GPR176: variants seen among roughly 807,000 people sequenced by gnomAD.
GPR176 encodes G-protein coupled receptor 176.
GPR176 carries 26 observed loss-of-function variants against 35.4 expected under a neutral mutation model. That is an observed-to-expected ratio of 0.74 (90% CI 0.54 to 1.02). The LOEUF (loss-of-function observed/expected upper bound fraction) is 1.02. GPR176 is among the 50% of genes least tolerant of loss of function. GPR176 has a pLI of 0.00. For missense variants in GPR176, 597 were observed against 665.3 expected (o/e 0.90, Z 1.13); for synonymous variants, 278 against 271.3 (o/e 1.02, Z -0.24).
intron 1 of GPR176, among the ~76,000 whole-genome samples, chr15:39,881,482 T>C (rs1322191913): frequency 6.6e-6 from 1 of 152,146 alleles, no homozygotes; most frequent in Non-Finnish European, 1.5e-5. Context: ...TTGAGAGAAA[T>C]TGTTTTATTC....
chr15:39,827,148 T>G (rs1900715627), intron 1 of GPR176, among the ~76,000 whole-genome samples: 2 of 152,156 alleles, frequency 1.3e-5, no homozygotes, highest in African/African-American at 4.8e-5. Context: ...CAAATATACA[T>G]ATTCAACAAG....
At chr15:39,875,316 A>G (rs74008982) in intron 1 of GPR176, among the ~76,000 whole-genome samples, 2,357 of 152,344 alleles carry the variant, frequency 0.015, 78 homozygotes, top group African/African-American at 0.051. Context: ...TTAGATTATC[A>G]TGACAATACA....
At chr15:39,807,311 A>G in intron 1 of GPR176, 53 bp from the exon 2 acceptor site, 1 of 1,156,700 alleles carries the variant, frequency 8.6e-7, no homozygotes, top group South Asian at 2.2e-5. Flanking sequence ...TTAAGAACTA[A>G]AAAAAGGAAA....
intron 1 of GPR176, among the ~76,000 whole-genome samples, chr15:39,848,929 A>C (rs77481065): frequency 2.0e-5 from 3 of 148,170 alleles, no homozygotes; most frequent in African/African-American, 4.9e-5. Flanking sequence ...AAAAAAAAAA[A>C]CCTAAAAAAA....
In GPR176 at chr15:39,800,977, A is replaced by T; in HGVS notation, c.*155T>A. On this transcript the variant is annotated 3_prime_UTR_variant, in exon 3 of 3. Transcript: ENST00000561100. ...ATAAAGAGGACACTGGATTTTATGT[A>T]GATTTCCCTATCATTCAAAAGCATC... The T allele has an allele frequency of 1.5e-6, 1 of 661,272 alleles. No individual in the cohort carries two copies. Among genetic ancestry groups the T allele is most frequent in the Non-Finnish European group, 2.6e-6 (1 of 379,570 alleles). 41.0% of individuals were successfully genotyped at this position (661,272 alleles called of 1,614,324 possible). A position where few individuals can be genotyped will look rare whatever the true frequency, so the allele number is the denominator to read the frequency against.
chr15:39,864,928 T>C (rs1221832744), intron 1 of GPR176, among the ~76,000 whole-genome samples: 2 of 146,260 alleles, frequency 1.4e-5, no homozygotes, highest in African/African-American at 5.1e-5. Flanking sequence ...CCAGCAGGCA[T>C]GTGGAAAAAA....
intron 1 of GPR176, among the ~76,000 whole-genome samples, chr15:39,864,060 G>T (rs558455875): frequency 6.6e-6 from 1 of 152,134 alleles, no homozygotes; most frequent in South Asian, 2.1e-4. Flanking sequence ...AAATAAACAG[G>T]TATACAAAAC....
intron 1 of GPR176, among the ~76,000 whole-genome samples, chr15:39,844,547 G>A (rs549603914): frequency 6.6e-6 from 1 of 151,676 alleles, no homozygotes; most frequent in Non-Finnish European, 1.5e-5. Flanking sequence ...CTGTTCCGAG[G>A]ACCTAATGGG....
intron 1 of GPR176, among the ~76,000 whole-genome samples, chr15:39,837,993 TAAAAAAAA>T (rs5812142): frequency 4.8e-5 from 6 of 124,530 alleles, no homozygotes; most frequent in African/African-American, 1.7e-4. Flanking sequence ...CTCCATTAAT[TAAAAAAAA>T]AAAAAAAAAA....
intron 1 of GPR176, among the ~76,000 whole-genome samples, chr15:39,895,383 C>T (rs1054210649): frequency 6.6e-6 from 1 of 152,132 alleles, no homozygotes; most frequent in Non-Finnish European, 1.5e-5. Flanking sequence ...TGAATTCAAG[C>T]ATTTGTGCAA....
At chr15:39,877,232 A>G (rs1364582884) in intron 1 of GPR176, among the ~76,000 whole-genome samples, 2 of 152,044 alleles carry the variant, frequency 1.3e-5, no homozygotes, top group Non-Finnish European at 2.9e-5. Context: ...TATCAAAGTT[A>G]CTGTTGCCAG....
At chr15:39,878,135 T>TGTG in intron 1 of GPR176, among the ~76,000 whole-genome samples, 7 of 148,688 alleles carry the variant, frequency 4.7e-5, no homozygotes, top group Non-Finnish European at 9.0e-5. Context: ...TGTGTGTGTG[T>TGTG]TGAGAACATT....
chr15:39,919,765 A>T (rs1240715000), intron 1 of GPR176, 90 bp downstream of exon 1: 1 of 1,085,332 alleles, frequency 9.2e-7, no homozygotes, highest in African/African-American at 1.7e-5. Context: ...GGCACCCGAA[A>T]CCCACGGCGG....
intron 1 of GPR176, among the ~76,000 whole-genome samples, chr15:39,853,596 T>C (rs2031015515): frequency 6.6e-6 from 1 of 152,358 alleles, no homozygotes; most frequent in East Asian, 1.9e-4. Flanking sequence ...ATTAAATCAA[T>C]GAACAGAAAG....
chr15:39,898,611 C>T (rs76993475), intron 1 of GPR176, among the ~76,000 whole-genome samples: 2,108 of 151,956 alleles, frequency 0.014, 52 homozygotes, highest in African/African-American at 0.048. Flanking sequence ...GGGAGCCAAG[C>T]GTAATTTGGA....
chr15:39,828,871 T>C (rs1900869055), intron 1 of GPR176, among the ~76,000 whole-genome samples: 3 of 152,184 alleles, frequency 2.0e-5, no homozygotes, highest in Non-Finnish European at 2.9e-5. Context: ...TCACAGTGTA[T>C]GTGGAACGGT....
At chr15:39,876,916 GATCTACATT>G (rs1175028590) in intron 1 of GPR176, among the ~76,000 whole-genome samples, 3 of 151,928 alleles carry the variant, frequency 2.0e-5, no homozygotes, top group African/African-American at 2.4e-5. Context: ...GAGAATAGGT[GATCTACATT>G]ATCTTCTGTT....
intron 1 of GPR176, among the ~76,000 whole-genome samples, chr15:39,901,966 C>A (rs924806610): frequency 6.6e-6 from 1 of 151,740 alleles, no homozygotes; most frequent in Non-Finnish European, 1.5e-5. Context: ...TGTCTGTAAT[C>A]CCAGCTACTT....
intron 1 of GPR176, among the ~76,000 whole-genome samples, chr15:39,918,744 A>G (rs2033794238): frequency 6.6e-6 from 1 of 152,208 alleles, no homozygotes; most frequent in South Asian, 2.1e-4. Flanking sequence ...AAAAAAATCG[A>G]AGAGAAATAC....
Sources: gnomAD v4.1 joint callset for allele counts (sites outside exome capture counted in the v4.1 genomes callset) on GRCh38, gnomAD v4.1.1 for gene constraint, MANE v1.5 for transcripts, NCBI Gene and HGNC (gene_info 2026-07-23, HGNC 2026-07-21) for gene names.